The following GEMIN7 variants were observed in gnomAD, a reference collection of about 807,000 sequenced individuals.
GEMIN7 encodes the protein gem nuclear organelle associated protein 7, also known as gem-associated protein 7.
Under a neutral mutation model 7.8 loss-of-function variants are expected in GEMIN7, and 7 were observed. The observed-to-expected ratio is 0.90, with a 90% CI of 0.51 to 1.69. The LOEUF (loss-of-function observed/expected upper bound fraction) is 1.69, where lower values mean the gene tolerates loss of function less well. Ranked by LOEUF, GEMIN7 falls within the 40% of genes most tolerant of loss-of-function variation. GEMIN7 has a pLI of 0.00. For synonymous variants in GEMIN7, 68 were observed against 72.4 expected (o/e 0.94, Z 0.31); for missense variants, 159 against 176.2 (o/e 0.90, Z 0.55).
upstream of GEMIN7, chr19:45,076,518 C>T: frequency 3.6e-6 from 2 of 558,034 alleles, no homozygotes; most frequent in Non-Finnish European, 5.2e-6. This position sits in a 1 kb window ranked among gnomAD's most constrained non-coding sequence, Gnocchi z 4.9. Flanking sequence ...GCTGGCCGGG[C>T]CCGTGGCTCC....
rs140529262 is a variant in GEMIN7, at chr19:45,084,809, G to T, written c.-9+4780G>T. Among the ~76,000 whole-genome samples the T allele has an allele frequency of 8.5e-3, 1,301 of 152,278 alleles. 16 individuals are homozygous for T. Among genetic ancestry groups the T allele is most frequent in the African/African-American group, 0.027 (1,136 of 41,550 alleles). ...TCACTCTTGTTGCCTAGGCTGGAGC[G>T]CAATGGCGCAGTCTCGGCTCACCAC... On this transcript the variant is annotated intron_variant, in intron 2 of 2. Transcript: ENST00000270257.
chr19:45,077,991 A>G (rs1258970643), upstream of GEMIN7, among the ~76,000 whole-genome samples: 1 of 151,832 alleles, frequency 6.6e-6, no homozygotes, highest in African/African-American at 2.4e-5. Context: ...CAGCATCCCA[A>G]AGTGCTGAGA....
At chr19:45,076,446 A>T, upstream of GEMIN7, 1 of 1,115,510 alleles carries the variant, frequency 9.0e-7, no homozygotes, top group Non-Finnish European at 1.1e-6. This position sits in a 1 kb window ranked among gnomAD's most constrained non-coding sequence, Gnocchi z 4.9. Flanking sequence ...CGAGCGGAGG[A>T]CGCGCGGACC....
At chr19:45,086,306 C>T (rs1049557953) in intron 2 of GEMIN7, among the ~76,000 whole-genome samples, 5 of 152,050 alleles carry the variant, frequency 3.3e-5, no homozygotes, top group Non-Finnish European at 7.4e-5. Context: ...AATCACCTCC[C>T]TTCTGTGCCT....
At chr19:45,085,830 G>C (rs1031248889) in intron 2 of GEMIN7, among the ~76,000 whole-genome samples, 1 of 148,342 alleles carries the variant, frequency 6.7e-6, no homozygotes, top group Non-Finnish European at 1.5e-5. Flanking sequence ...GTCTGTAGTC[G>C]CAGCTTCTCG....
intron 2 of GEMIN7, among the ~76,000 whole-genome samples, chr19:45,085,172 G>A (rs1297053812): frequency 1.3e-5 from 2 of 152,140 alleles, no homozygotes; most frequent in African/African-American, 4.8e-5. Context: ...CGCCTGCCTC[G>A]GCCTCCCAAA....
upstream of GEMIN7, chr19:45,075,685 G>A (rs774680145): frequency 2.5e-6 from 4 of 1,608,884 alleles, no homozygotes; most frequent in South Asian, 4.4e-5. Context: ...TCGAACTTGA[G>A]AGGGGGACTG....
At chr19:45,080,315 G>A (rs902884830) in intron 2 of GEMIN7, among the ~76,000 whole-genome samples, 7 of 152,028 alleles carry the variant, frequency 4.6e-5, no homozygotes, top group Admixed American at 2.6e-4. Context: ...CATGGGGCAC[G>A]GGTGAGGACC....
intron 2 of GEMIN7, among the ~76,000 whole-genome samples, chr19:45,088,998 G>A (rs1401103032): frequency 2.0e-5 from 3 of 146,358 alleles, no homozygotes; most frequent in East Asian, 4.0e-4. Context: ...CTAGAGTGCT[G>A]TGGTGCGATC....
chr19:45,076,618 C>G (rs919268833), upstream of GEMIN7: 11 of 326,012 alleles, frequency 3.4e-5, no homozygotes, highest in Non-Finnish European at 6.1e-5. This position sits in a 1 kb window ranked among gnomAD's most constrained non-coding sequence, Gnocchi z 4.9. Context: ...GTGTCCCGTG[C>G]GTTTGGCTTA....
In GEMIN7 at chr19:45,087,569, A is replaced by T. The variant is rs565947985; in HGVS notation, c.-8-2538A>T. The stretch of plus-strand genomic sequence containing the variant: ...AAGGAGATACAGGCAGATACAGGGA[A>T]CCGAAAGTGCAAGAGCCCAAGAAGG... On this transcript the variant is annotated intron_variant, in intron 2 of 2. Coordinates refer to ENST00000270257, the MANE Select transcript of GEMIN7 (RefSeq NM_024707.3). Among the ~76,000 whole-genome samples, 5 of 152,264 alleles carry T rather than the reference A, an allele frequency of 3.3e-5. No homozygotes were observed. In the South Asian group the frequency reaches 1.0e-3, roughly 32 times the overall value.
At position 45,080,584 on chromosome 19, in the gene GEMIN7, A is replaced by G. The variant is rs576218433; in HGVS notation, c.-9+555A>G. On this transcript the variant is annotated intron_variant, in intron 2 of 2. Transcript: ENST00000270257. ...AGTAGAGATAGGGTTTCACCATGTT[A>G]GCCAGGCTGGTCTTAAACTCCTGAC... Among the ~76,000 whole-genome samples the G allele has an allele frequency of 2.6e-5, 4 of 151,934 alleles. No homozygotes were observed. The South Asian group carries it at 8.3e-4, about 32-fold the overall frequency.
At chr19:45,079,420 C>T (rs1190637625) in intron 1 of GEMIN7, 43 bp downstream of exon 1, 1 of 152,294 alleles carries the variant, frequency 6.6e-6, no homozygotes, top group Non-Finnish European at 1.5e-5. Flanking sequence ...ACGTTCTGGT[C>T]CCCAGACGCT....
At chr19:45,089,092 A>C (rs1967804111) in intron 2 of GEMIN7, among the ~76,000 whole-genome samples, 1 of 151,790 alleles carries the variant, frequency 6.6e-6, no homozygotes, top group African/African-American at 2.4e-5. Context: ...CAGGCGCATG[A>C]CACCACACCC....
intron 2 of GEMIN7, among the ~76,000 whole-genome samples, chr19:45,084,436 T>C (rs1233243616): frequency 1.3e-5 from 2 of 152,150 alleles, no homozygotes; most frequent in African/African-American, 4.8e-5. Flanking sequence ...AGAGTCTCGC[T>C]GTGTTGTCCA....
At position 45,090,588 on chromosome 19, in the gene GEMIN7, T is replaced by C. The variant is rs1967866221; in HGVS notation, c.*78T>C. 7.0e-7 allele frequency: 1 copy of C among 1,420,614 alleles called. No individual in the cohort carries two copies. The highest frequency in any genetic ancestry group is 1.3e-5 in the South Asian group (1 of 76,704). 88.0% of individuals were successfully genotyped at this position (1,420,614 alleles called of 1,614,324 possible). Reference sequence around the variant, plus strand: ...CCCAATGTTCCCGAGCCAGGAACTCTGGGCCCCATGGAGTTATGAGCTCCC... The same window carrying C: ...CCCAATGTTCCCGAGCCAGGAACTCCGGGCCCCATGGAGTTATGAGCTCCC... On this transcript the variant is annotated 3_prime_UTR_variant, in exon 3 of 3. Coordinates refer to ENST00000270257, the MANE Select transcript of GEMIN7 (RefSeq NM_024707.3).
Position 45,090,123 on chromosome 19 carries a change from T to C in GEMIN7, c.9T>C (p.Thr3=), listed in dbSNP as rs1419976988. The C allele has an allele frequency of 6.2e-7, 1 of 1,610,122 alleles. No individual in the cohort carries two copies. Residue 3 remains threonine (T), a synonymous_variant, in exon 3 of 3, where the codon ACT becomes ACC. Coordinates refer to ENST00000270257, the MANE Select transcript of GEMIN7 (RefSeq NM_024707.3). ...ACTCAACAGCCAAGACAATGCAAACTCCAGTGAACATTCCCGTGCCTGTGC... is the reference window on the plus strand; with the variant it reads ...ACTCAACAGCCAAGACAATGCAAACCCCAGTGAACATTCCCGTGCCTGTGC... The part of the protein sequence containing the change: MQ[T]PVNIPVPVLR...
chr19:45,079,719 G>A (rs1051380555), intron 1 of GEMIN7, among the ~76,000 whole-genome samples, 188 bp from the exon 2 acceptor site: 26 of 152,190 alleles, frequency 1.7e-4, no homozygotes, highest in Non-Finnish European at 3.8e-4. Flanking sequence ...GCAATGGGTG[G>A]TCAGGGCGGA....
At chr19:45,078,205 G>T (rs1408370699), upstream of GEMIN7, among the ~76,000 whole-genome samples, 1 of 147,492 alleles carries the variant, frequency 6.8e-6, no homozygotes, top group African/African-American at 2.5e-5. Flanking sequence ...GGGTTCAAGT[G>T]ATTCTCCTGC....
Sources: gnomAD v4.1 joint callset for allele counts (sites outside exome capture counted in the v4.1 genomes callset) on GRCh38, gnomAD v4.1.1 for gene constraint, Gnocchi (gnomAD v3.1) non-coding constraint, MANE v1.5 for transcripts, NCBI Gene and HGNC (gene_info 2026-07-23, HGNC 2026-07-21) for gene names.